Variants in LRRC3C observed in about 807,000 individuals in gnomAD.
LRRC3C encodes leucine-rich repeat-containing protein 3C.
Under a neutral mutation model 14.8 loss-of-function variants are expected in LRRC3C, and 11 were observed. That is an observed-to-expected ratio of 0.74 (90% CI 0.47 to 1.23). The LOEUF is 1.23. Ranked by LOEUF, LRRC3C falls within the 50% of genes most tolerant of loss-of-function variation. The pLI, the probability that LRRC3C is intolerant of heterozygous loss-of-function variation, is 0.00. For missense variants in LRRC3C, 354 were observed against 361.8 expected, an observed-to-expected ratio of 0.98 and a Z score of 0.18; for synonymous variants, 149 against 161.5, an observed-to-expected ratio of 0.92 and a Z score of 0.59.
chr17:39,935,075 G>A (rs181541314), intron 1 of LRRC3C, among the ~76,000 whole-genome samples: 18 of 152,070 alleles, frequency 1.2e-4, no homozygotes, highest in Admixed American at 2.0e-4. Flanking sequence ...ATTTTATGCC[G>A]ACCTCCTATC....
At position 39,941,426 on chromosome 17, in the gene LRRC3C, T is replaced by A; in HGVS notation, c.-81-17T>A. ...AGGGACCCCCCCACACACACCCCAT[T>A]TTTATTTTGCACTCAGCTCTACAAT... On this transcript the variant is annotated splice_polypyrimidine_tract_variant and intron_variant, in intron 2 of 3. Coordinates refer to ENST00000377924, the MANE Select transcript of LRRC3C (RefSeq NM_001195545.2). The A allele has an allele frequency of 2.1e-6, 2 of 944,314 alleles. No individual in the cohort carries two copies. Among genetic ancestry groups the A allele is most frequent in the Non-Finnish European group, 3.2e-6 (2 of 621,270 alleles). The allele number at this position is 944,314 out of a possible 1,614,324, so 58.5% of individuals were successfully genotyped here. A position where few individuals can be genotyped will look rare whatever the true frequency, so the allele number is the denominator to read the frequency against.
Position 39,941,513 on chromosome 17 carries a change from A to G in LRRC3C, c.-11A>G, listed in dbSNP as rs1568119589. The G allele has an allele frequency of 3.3e-6, 5 of 1,535,610 alleles. No individual in the cohort carries two copies. The Admixed American group carries it at 7.9e-5, about 24-fold the overall frequency. On this transcript the variant is annotated 5_prime_UTR_variant, in exon 3 of 4. Coordinates refer to ENST00000377924, the MANE Select transcript of LRRC3C (RefSeq NM_001195545.2). ...ATCCAGCAAGAAAAATCCTTCTCAGAAAGGTCTCCAATGCGTATGACCTCA... is the reference window on the plus strand; with the variant it reads ...ATCCAGCAAGAAAAATCCTTCTCAGGAAGGTCTCCAATGCGTATGACCTCA...
At chr17:39,941,602 C>T in intron 3 of LRRC3C, 53 bp downstream of exon 3, 1 of 1,497,790 alleles carries the variant, frequency 6.7e-7, no homozygotes, top group Non-Finnish European at 9.0e-7. Context: ...TGTTCTCTTC[C>T]ACCTCTCTGA....
At chr17:39,934,922 A>G (rs1442272295) in intron 1 of LRRC3C, among the ~76,000 whole-genome samples, 1 of 152,110 alleles carries the variant, frequency 6.6e-6, no homozygotes, top group Non-Finnish European at 1.5e-5. Context: ...CGTTGCCATG[A>G]TATTTGTAAA....
intron 2 of LRRC3C, 59 bp downstream of exon 2, chr17:39,935,953 T>A (rs1455160766): frequency 2.1e-6 from 2 of 930,588 alleles, no homozygotes; most frequent in Non-Finnish European, 2.6e-6. Flanking sequence ...CTATCTATCT[T>A]TTTCCTTTCA....
intron 3 of LRRC3C, 104 bp from the exon 4 acceptor site, chr17:39,943,829 A>C (rs1180628693): frequency 8.9e-7 from 1 of 1,122,302 alleles, no homozygotes; most frequent in Admixed American, 2.3e-5. Context: ...AAGAGGCCCC[A>C]GCCCAAAAAG....
chr17:39,933,097 A>G (rs1228867477), intron 1 of LRRC3C, among the ~76,000 whole-genome samples: 2 of 152,096 alleles, frequency 1.3e-5, no homozygotes, highest in African/African-American at 2.4e-5. Flanking sequence ...GACAACAACA[A>G]AAAAACCTTG....
rs1978782851 is a variant in LRRC3C, at chr17:39,935,898, G to A, written c.-82+4G>A. On this transcript the variant is annotated splice_donor_region_variant and intron_variant, in intron 2 of 3. Transcript: ENST00000377924. ...CCTGGCTGACCTGATAAAGAAGGTAGCCCTTCCTTATCTATCTTCTCTATC... is the reference window on the plus strand; with the variant it reads ...CCTGGCTGACCTGATAAAGAAGGTAACCCTTCCTTATCTATCTTCTCTATC... The A allele has an allele frequency of 2.0e-6, 2 of 984,576 alleles. No homozygotes were observed. The highest frequency in any genetic ancestry group is 3.5e-5 in the African/African-American group (2 of 57,218). 61.0% of individuals were successfully genotyped at this position (984,576 alleles called of 1,614,324 possible). A position where few individuals can be genotyped will look rare whatever the true frequency, so the allele number is the denominator to read the frequency against.
In LRRC3C at chr17:39,944,038, C is replaced by A. The variant is rs1418487148; in HGVS notation, c.132C>A (p.Ser44Arg). Residue 44 changes from serine (S) to arginine (R), a missense_variant, in exon 4 of 4, where the codon AGC (serine) becomes AGA (arginine). Physicochemically the swap from Ser to Arg is moderately radical, Grantham distance 110 (BLOSUM62 -1). Coordinates refer to ENST00000377924, the MANE Select transcript of LRRC3C (RefSeq NM_001195545.2). The stretch of plus-strand genomic sequence containing the variant: ...TAGGCACAGGGGGTACTGTGCCCAG[C>A]CCCCAGGTGCCTCCCCGGGGCTGTT... Reference protein sequence around the residue: ...LVIGTGGTVPSPQVPPRGCYV... With the variant: ...LVIGTGGTVPRPQVPPRGCYV... 1.4e-5 allele frequency: 22 copies of A among 1,535,982 alleles called. No individual in the cohort carries two copies. Among genetic ancestry groups the A allele is most frequent in the Non-Finnish European group, 1.9e-5 (22 of 1,146,864 alleles).
chr17:39,937,266 T>C (rs1467860924), intron 2 of LRRC3C, among the ~76,000 whole-genome samples: 3 of 151,986 alleles, frequency 2.0e-5, no homozygotes, highest in Non-Finnish European at 4.4e-5. Context: ...TGAAACCCCG[T>C]ATCTACTGAA....
intron 3 of LRRC3C, among the ~76,000 whole-genome samples, chr17:39,943,297 C>T (rs1978985780): frequency 1.3e-5 from 2 of 152,060 alleles, no homozygotes; most frequent in South Asian, 2.1e-4. Context: ...GGCTCTGCCA[C>T]CAACAGGGGT....
chr17:39,930,497 C>T (rs1242099772), intron 1 of LRRC3C, among the ~76,000 whole-genome samples: 1 of 146,904 alleles, frequency 6.8e-6, no homozygotes, highest in East Asian at 2.0e-4. Context: ...CACCTGAGGT[C>T]AGGAGTTTGA....
chr17:39,929,817 G>A (rs1264701439), intron 1 of LRRC3C, among the ~76,000 whole-genome samples: 1 of 152,188 alleles, frequency 6.6e-6, no homozygotes, highest in African/African-American at 2.4e-5. Flanking sequence ...ATATCCACTG[G>A]ATGGAATAGT....
chr17:39,938,067 G>GGCTACTGTGAGCCGAGATGGT (rs1978845869), intron 2 of LRRC3C, among the ~76,000 whole-genome samples: 1 of 152,172 alleles, frequency 6.6e-6, no homozygotes, highest in African/African-American at 2.4e-5. Context: ...AGGAGGCAGA[G>GGCTACTGTGAGCCGAGATGGT]GCTACTGTGA....
At position 39,928,026 on chromosome 17, in the gene LRRC3C, T is replaced by C. The variant is rs527382422; in HGVS notation, c.-175+212T>C. On this transcript the variant is annotated intron_variant, in intron 1 of 3. Coordinates refer to ENST00000377924, the MANE Select transcript of LRRC3C (RefSeq NM_001195545.2). ...TCCGCCCTGGCCCCAGATTGGCTCC[T>C]CCAGAAACAGACTAGCCCGGCCCTT... The C allele has an allele frequency of 1.8e-4, 50 of 275,614 alleles. No homozygotes were observed. In the South Asian group the frequency reaches 6.6e-3, roughly 36 times the overall value. The allele number at this position is 275,614 out of a possible 1,614,324, so 17.1% of individuals were successfully genotyped here.
chr17:39,942,730 G>T (rs1384214193), intron 3 of LRRC3C, among the ~76,000 whole-genome samples: 1 of 152,206 alleles, frequency 6.6e-6, no homozygotes, highest in Non-Finnish European at 1.5e-5. Flanking sequence ...AAGACTAGGG[G>T]AAGTTTGCTC....
At chr17:39,934,166 C>T (rs1978734407) in intron 1 of LRRC3C, among the ~76,000 whole-genome samples, 1 of 152,158 alleles carries the variant, frequency 6.6e-6, no homozygotes. Context: ...CCACTGGGTC[C>T]CCATCCCCCA....
At chr17:39,933,469 TCACGCC>T (rs1473988421) in intron 1 of LRRC3C, among the ~76,000 whole-genome samples, 8 of 152,158 alleles carry the variant, frequency 5.3e-5, no homozygotes, top group Non-Finnish European at 1.2e-4. Flanking sequence ...GTGCGATGGC[TCACGCC>T]TGTAATCCCA....
At chr17:39,941,571 C>T (rs934477205) in intron 3 of LRRC3C, 22 bp downstream of exon 3, 1 of 1,533,080 alleles carries the variant, frequency 6.5e-7, no homozygotes, top group African/African-American at 1.4e-5. Flanking sequence ...CACCCCTAGT[C>T]TCTGTGACAC....
Sources: allele counts gnomAD v4.1 joint callset (sites outside exome capture counted in the v4.1 genomes callset), GRCh38; gene constraint gnomAD v4.1.1; transcripts MANE v1.5; gene names NCBI Gene and HGNC (gene_info 2026-07-23, HGNC 2026-07-21).